The following TRIT1 variants were observed in gnomAD, a reference collection of about 807,000 sequenced individuals.
TRIT1 encodes tRNA isopentenyltransferase 1, also known as tRNA dimethylallyltransferase.
Under a neutral mutation model 51.2 loss-of-function variants are expected in TRIT1, and 43 were observed. That is an observed-to-expected ratio of 0.84 (90% CI 0.66 to 1.08). The LOEUF (loss-of-function observed/expected upper bound fraction) is 1.08, where lower values mean the gene tolerates loss of function less well. TRIT1 is among the 50% of genes least tolerant of loss of function. The pLI is 0.00. For missense variants in TRIT1, 528 were observed against 578.4 expected, an observed-to-expected ratio of 0.91 and a Z score of 0.89; for synonymous variants, 184 against 203.9, an observed-to-expected ratio of 0.90 and a Z score of 0.83.
In TRIT1 at chr1:39,844,536, T is replaced by G; in HGVS notation, c.1111A>C (p.Ile371Leu). 1 of 1,612,744 alleles carries G rather than the reference T, an allele frequency of 6.2e-7. No homozygotes were observed. The highest frequency in any genetic ancestry group is 8.5e-7 in the Non-Finnish European group (1 of 1,178,740). ...GTATCATGATTCATAATTACCTGGA[T>G]GAAACTTTGCACGATTTCAAGAGCA... ...EPALEIVQSF[I>L]QGHKPTATPI... The change falls in exon 9 of 11, where the codon ATC (isoleucine) becomes CTC (leucine). Residue 371 changes from isoleucine to leucine, a missense_variant. Coordinates refer to ENST00000316891, the MANE Select transcript of TRIT1 (RefSeq NM_017646.6).
chr1:39,855,773 C>T (rs528765216), intron 2 of TRIT1, among the ~76,000 whole-genome samples: 8 of 152,146 alleles, frequency 5.3e-5, no homozygotes, highest in Admixed American at 3.9e-4. Flanking sequence ...ACATACTTCA[C>T]GGGAAAAGGT....
chr1:39,867,810 T>A (rs1361668332), intron 1 of TRIT1, among the ~76,000 whole-genome samples: 1 of 152,220 alleles, frequency 6.6e-6, no homozygotes, highest in Non-Finnish European at 1.5e-5. Context: ...CTATTTCTGC[T>A]GCCACTCACT....
At position 39,841,213 on chromosome 1, in the gene TRIT1, C is replaced by T. The variant is rs552269746; in HGVS notation, c.*531G>A. ...GCTTCCTCAGTCTGATTCCCTCCTT[C>T]TCTGTAGAATTCTGAGAACTAGTTT... On this transcript the variant is annotated 3_prime_UTR_variant, in exon 11 of 11. Coordinates refer to ENST00000316891, the MANE Select transcript of TRIT1 (RefSeq NM_017646.6). 20 of 152,338 alleles carry T rather than the reference C, an allele frequency of 1.3e-4. No homozygotes were observed. The East Asian group carries it at 3.5e-3, about 26-fold the overall frequency. 9.4% of individuals were successfully genotyped at this position (152,338 alleles called of 1,614,324 possible). A position where few individuals can be genotyped will look rare whatever the true frequency, so the allele number is the denominator to read the frequency against.
intron 1 of TRIT1, among the ~76,000 whole-genome samples, chr1:39,867,536 T>C (rs961106955): frequency 1.3e-5 from 2 of 151,948 alleles, no homozygotes; most frequent in African/African-American, 4.8e-5. Context: ...AAAAAAAAAA[T>C]TGAAACATTT....
Position 39,838,656 on chromosome 1 carries a change from G to A in TRIT1, c.*3088C>T, listed in dbSNP as rs200073023. Among the ~76,000 whole-genome samples the A allele has an allele frequency of 6.2e-5, 9 of 144,204 alleles. No homozygotes were observed. In the Middle Eastern group the frequency reaches 0.014, roughly 218 times the overall value. 94.6% of individuals were successfully genotyped at this position (144,204 alleles called of 152,430 possible). A position where few individuals can be genotyped will look rare whatever the true frequency, so the allele number is the denominator to read the frequency against. On this transcript the variant is annotated 3_prime_UTR_variant, in exon 11 of 11. Coordinates refer to ENST00000316891, the MANE Select transcript of TRIT1 (RefSeq NM_017646.6). Reference sequence around the variant, plus strand: ...CCGGCATGCATACATATATATATATGTAAGTATGTATGTATGTATATATTT... The same window carrying A: ...CCGGCATGCATACATATATATATATATAAGTATGTATGTATGTATATATTT...
chr1:39,866,105 GA>G (rs1643541352), intron 1 of TRIT1, among the ~76,000 whole-genome samples: 3 of 151,026 alleles, frequency 2.0e-5, no homozygotes, highest in Non-Finnish European at 4.4e-5. Context: ...AGGAAGGAAG[GA>G]AGGAAGGAAG....
chr1:39,872,068 ATTTTTTTTT>A (rs59839907), intron 1 of TRIT1, among the ~76,000 whole-genome samples: 2 of 114,252 alleles, frequency 1.8e-5, no homozygotes, highest in African/African-American at 3.7e-5. Context: ...GGCCTGACTA[ATTTTTTTTT>A]TTTTTTTTTT....
chr1:39,850,739 T>A (rs540573607), intron 4 of TRIT1, among the ~76,000 whole-genome samples: 1 of 152,216 alleles, frequency 6.6e-6, no homozygotes, highest in Non-Finnish European at 1.5e-5. Context: ...CACTTTCAGA[T>A]AAACAGTAAA....
intron 2 of TRIT1, among the ~76,000 whole-genome samples, chr1:39,856,873 T>G (rs1290294376): frequency 6.6e-6 from 1 of 152,182 alleles, no homozygotes; most frequent in Non-Finnish European, 1.5e-5. Flanking sequence ...CCAGTAAAAT[T>G]CACATGGTAA....
intron 2 of TRIT1, among the ~76,000 whole-genome samples, chr1:39,856,581 G>T (rs1038320633): frequency 1.3e-5 from 2 of 151,126 alleles, no homozygotes; most frequent in Non-Finnish European, 2.9e-5. Flanking sequence ...TACTAAATAA[G>T]TTCCATGCTA....
In TRIT1 at chr1:39,847,528, T is replaced by G; in HGVS notation, c.928+20A>C. The G allele has an allele frequency of 6.2e-7, 1 of 1,612,654 alleles. No individual in the cohort carries two copies. Among genetic ancestry groups the G allele is most frequent in the Non-Finnish European group, 8.5e-7 (1 of 1,178,584 alleles). On this transcript the variant is annotated intron_variant, in intron 7 of 10. Coordinates refer to ENST00000316891, the MANE Select transcript of TRIT1 (RefSeq NM_017646.6). Reference sequence around the variant, plus strand: ...CCACCCAAAGATGTCCAAGACTAGATTAGATGGAAGAATTCACACCTTTCT... The same window carrying G: ...CCACCCAAAGATGTCCAAGACTAGAGTAGATGGAAGAATTCACACCTTTCT...
intron 1 of TRIT1, chr1:39,876,156 T>G (rs1644046875): frequency 6.6e-6 from 1 of 152,086 alleles, no homozygotes; most frequent in Admixed American, 6.6e-5. Flanking sequence ...CAAAACCAAT[T>G]CCATTAAATC....
At chr1:39,879,541 C>CT (rs1219074756) in intron 1 of TRIT1, among the ~76,000 whole-genome samples, 1 of 151,764 alleles carries the variant, frequency 6.6e-6, no homozygotes, top group African/African-American at 2.4e-5. Context: ...ATAGTCCCAG[C>CT]TACTTGAGAC....
intron 5 of TRIT1, among the ~76,000 whole-genome samples, chr1:39,848,664 A>C (rs1642377385): frequency 6.6e-6 from 1 of 151,522 alleles, no homozygotes; most frequent in Non-Finnish European, 1.5e-5. Context: ...CTCTACCAAA[A>C]GTACAAAAAT....
intron 8 of TRIT1, 59 bp from the exon 9 acceptor site, chr1:39,844,699 C>T (rs1167832436): frequency 1.6e-6 from 2 of 1,235,628 alleles, no homozygotes; most frequent in Non-Finnish European, 2.4e-6. Flanking sequence ...TATTCTGCAG[C>T]CAGGACTCTG....
Position 39,839,165 on chromosome 1 carries a change from G to A in TRIT1, c.*2579C>T, listed in dbSNP as rs1055413442. Among the ~76,000 whole-genome samples, 3 of 152,146 alleles carry A rather than the reference G, an allele frequency of 2.0e-5. No individual in the cohort carries two copies. The highest frequency in any genetic ancestry group is 4.4e-5 in the Non-Finnish European group (3 of 68,028). On this transcript the variant is annotated 3_prime_UTR_variant, in exon 11 of 11. Coordinates refer to ENST00000316891, the MANE Select transcript of TRIT1 (RefSeq NM_017646.6). ...ATTTAGATAGCACTGCTGGTGTGAT[G>A]GACTGGAGGCTCTGGATACCTGGAC...
At chr1:39,866,023 AAAG>A (rs1643528609) in intron 1 of TRIT1, among the ~76,000 whole-genome samples, 1 of 97,174 alleles carries the variant, frequency 1.0e-5, no homozygotes, top group African/African-American at 3.1e-5. Context: ...AAAAGAAAAG[AAAG>A]AAAAGAAAAG....
chr1:39,883,455 C>G lies in TRIT1; in HGVS notation c.37G>C (p.Gly13Arg), dbSNP rs1423123833. 1 of 1,604,402 alleles carries G rather than the reference C, an allele frequency of 6.2e-7. No homozygotes were observed. Among genetic ancestry groups the G allele is most frequent in the Non-Finnish European group, 8.5e-7 (1 of 1,172,148 alleles). ...SVAAARAVPV[G>R]SGLRGLQRTL... Reference sequence around the variant, plus strand: ...CGTTGCAGGCCCCTGAGCCCACTGCCCACGGGAACTGCTCGTGCAGCCGCC... The same window carrying G: ...CGTTGCAGGCCCCTGAGCCCACTGCGCACGGGAACTGCTCGTGCAGCCGCC... Residue 13 changes from glycine (G) to arginine (R), a missense_variant, in exon 1 of 11, where the codon GGC (glycine) becomes CGC (arginine). Gly to Arg is a moderately radical substitution (Grantham distance 125). Around this residue, in one of 3 missense-constraint regions of TRIT1, gnomAD observed 55 missense variants for 37.0 expected, o/e 1.49. Transcript: ENST00000316891.
intron 1 of TRIT1, among the ~76,000 whole-genome samples, chr1:39,865,480 A>T (rs888855207): frequency 3.3e-5 from 5 of 152,294 alleles, no homozygotes; most frequent in Admixed American, 6.5e-5. Context: ...AGACCTGTAT[A>T]TTCAACTGTC....
Sources: allele counts gnomAD v4.1 joint callset (sites outside exome capture counted in the v4.1 genomes callset), GRCh38; gene constraint gnomAD v4.1.1; regional missense constraint gnomAD v4.1.1; transcripts MANE v1.5; gene names NCBI Gene and HGNC (gene_info 2026-07-23, HGNC 2026-07-21).